ARHGEF4: variants seen among roughly 807,000 people sequenced by gnomAD.
ARHGEF4 encodes the protein APC-stimulated guanine nucleotide exchange factor 1.
Under a neutral mutation model 162.0 loss-of-function variants are expected in ARHGEF4, and 119 were observed. That is an observed-to-expected ratio of 0.73 (90% CI 0.63 to 0.86). The LOEUF is 0.86. Among genes scored for constraint, ARHGEF4 ranks in the 40% least tolerant of loss-of-function variants. The probability of loss-of-function intolerance (pLI) is 0.00; values close to 1 mark genes in which losing one functional copy is unlikely to be tolerated. For synonymous variants in ARHGEF4, 1,014 were observed against 979.9 expected, an observed-to-expected ratio of 1.03 and a Z score of -0.65; for missense variants, 2,488 against 2,456.0, an observed-to-expected ratio of 1.01 and a Z score of -0.28.
intron 4 of ARHGEF4, among the ~76,000 whole-genome samples, chr2:130,969,754 G>C (rs1299803730): frequency 6.6e-6 from 1 of 152,100 alleles, no homozygotes; most frequent in African/African-American, 2.4e-5. Flanking sequence ...TAAAAATATA[G>C]AAGAGTTTTA....
chr2:130,911,736 A>G (rs773526418), intron 1 of ARHGEF4, among the ~76,000 whole-genome samples: 19 of 152,154 alleles, frequency 1.2e-4, no homozygotes, highest in Non-Finnish European at 2.6e-4. Flanking sequence ...GCCTCTTGCC[A>G]AAATAACCTG....
intron 4 of ARHGEF4, among the ~76,000 whole-genome samples, chr2:130,953,126 T>A (rs113381144): frequency 6.6e-6 from 1 of 151,854 alleles, no homozygotes; most frequent in African/African-American, 2.4e-5. Context: ...AGAACAAAAC[T>A]GGAGGCATCA....
At chr2:131,011,635 G>T in intron 4 of ARHGEF4, 1 of 1,534,254 alleles carries the variant, frequency 6.5e-7, no homozygotes, top group South Asian at 1.2e-5. Context: ...TCTCAAAACT[G>T]GTTAACTGAG....
chr2:131,024,510 T>G (rs1689347300), intron 4 of ARHGEF4, among the ~76,000 whole-genome samples: 1 of 152,062 alleles, frequency 6.6e-6, no homozygotes, highest in African/African-American at 2.4e-5. Context: ...CTCCTGACCT[T>G]ATGATCTGCC....
chr2:130,885,564 C>CTTTTTTTTTTTTTTTT (rs961513941), intron 1 of ARHGEF4, among the ~76,000 whole-genome samples: 7 of 100,428 alleles, frequency 7.0e-5, no homozygotes, highest in East Asian at 2.9e-4. Flanking sequence ...TTTTCTTATT[C>CTTTTTTTTTTTTTTTT]TTTTTTTTTT....
intron 4 of ARHGEF4, among the ~76,000 whole-genome samples, chr2:130,993,484 A>T (rs1687182897): frequency 6.6e-6 from 1 of 152,074 alleles, no homozygotes; most frequent in Non-Finnish European, 1.5e-5. Flanking sequence ...ATTTAGGTCA[A>T]ATCTCTCTGT....
intron 2 of ARHGEF4, among the ~76,000 whole-genome samples, chr2:130,923,435 A>G (rs112904356): frequency 1.2e-4 from 18 of 152,304 alleles, no homozygotes; most frequent in African/African-American, 4.3e-4. Flanking sequence ...CTTCTGACAC[A>G]GTATCTTAAT....
intron 3 of ARHGEF4, among the ~76,000 whole-genome samples, chr2:130,943,421 A>G (rs1410657472): frequency 6.6e-6 from 1 of 152,050 alleles, no homozygotes; most frequent in Non-Finnish European, 1.5e-5. Context: ...TTTTCTGATT[A>G]TGTGCTTTGA....
At chr2:130,854,809 A>G (rs1424113654) in intron 1 of ARHGEF4, among the ~76,000 whole-genome samples, 1 of 152,060 alleles carries the variant, frequency 6.6e-6, no homozygotes, top group African/African-American at 2.4e-5. Flanking sequence ...GCCCAGGGGG[A>G]AAGGCAGGGC....
chr2:131,026,373 T>A (rs974435614), intron 4 of ARHGEF4, among the ~76,000 whole-genome samples: 1 of 152,210 alleles, frequency 6.6e-6, no homozygotes. Context: ...TTGACAGATT[T>A]GTCTATATTA....
At chr2:130,908,876 A>C (rs976008189) in intron 1 of ARHGEF4, among the ~76,000 whole-genome samples, 1 of 152,166 alleles carries the variant, frequency 6.6e-6, no homozygotes, top group Non-Finnish European at 1.5e-5. Flanking sequence ...TGGGCAAAAG[A>C]CTTGAAGACA....
intron 3 of ARHGEF4, among the ~76,000 whole-genome samples, chr2:130,936,123 G>C (rs1207564938): frequency 6.6e-6 from 1 of 152,152 alleles, no homozygotes; most frequent in Non-Finnish European, 1.5e-5. Flanking sequence ...CTTTTCTGGA[G>C]AATGTTCCAT....
At chr2:131,007,193 C>T (rs80353836) in intron 4 of ARHGEF4, among the ~76,000 whole-genome samples, 3,374 of 152,234 alleles carry the variant, frequency 0.022, 130 homozygotes, top group African/African-American at 0.076. Flanking sequence ...TGGTGGGCAC[C>T]ATTATGATCC....
intron 5 of ARHGEF4, chr2:131,035,655 C>T: frequency 1.0e-6 from 1 of 989,162 alleles, no homozygotes; most frequent in Non-Finnish European, 1.2e-6. Flanking sequence ...TGTGGAAGAC[C>T]CCCGGGCACC....
intron 1 of ARHGEF4, among the ~76,000 whole-genome samples, chr2:130,895,839 A>G (rs1421347066): frequency 6.6e-6 from 1 of 152,082 alleles, no homozygotes; most frequent in African/African-American, 2.4e-5. Context: ...TTTAATTTGT[A>G]TGAAGTTCAG....
intron 4 of ARHGEF4, among the ~76,000 whole-genome samples, chr2:130,950,613 T>TA (rs964754690): frequency 1.3e-5 from 2 of 152,122 alleles, no homozygotes; most frequent in Admixed American, 1.3e-4. Flanking sequence ...TATTCACAGA[T>TA]ACGTGCGGTC....
intron 5 of ARHGEF4, among the ~76,000 whole-genome samples, chr2:131,034,574 C>A (rs1160232568): frequency 1.3e-5 from 2 of 152,220 alleles, no homozygotes; most frequent in African/African-American, 4.8e-5. Flanking sequence ...AATCCCTAAC[C>A]TTTCAGAGCC....
rs1396886851 is a variant in ARHGEF4, at chr2:130,915,398, T to TGA, written c.1461_1462dup (p.Thr488ArgfsTer54). On this transcript the variant is annotated frameshift_variant, in exon 2 of 14. Transcript: ENST00000409359. LOFTEE classifies it high-confidence loss of function. ...CCCAACTCGCACCAAGAGCTGCTGA[T>TGA]GAGAGAGAGACACAGAAGCACCTCT... is the stretch of plus-strand genomic sequence containing the variant. 3.2e-6 allele frequency: 5 copies of TGA among 1,550,384 alleles called. No homozygotes were observed. In the East Asian group the frequency reaches 9.8e-5, roughly 30 times the overall value.
intron 1 of ARHGEF4, among the ~76,000 whole-genome samples, chr2:130,867,533 G>A (rs2104921746): frequency 6.6e-6 from 1 of 152,208 alleles, no homozygotes; most frequent in Middle Eastern, 3.4e-3. Context: ...ACCATGCCTG[G>A]CCAATATATT....
Sources: allele counts gnomAD v4.1 joint callset (sites outside exome capture counted in the v4.1 genomes callset), GRCh38; gene constraint gnomAD v4.1.1; transcripts MANE v1.5; gene names NCBI Gene and HGNC (gene_info 2026-07-23, HGNC 2026-07-21).